Variants in FGF13 observed in about 807,000 individuals in gnomAD.
FGF13 encodes fibroblast growth factor 13.
FGF13 carries 2 observed loss-of-function variants against 19.5 expected under a neutral mutation model. That is an observed-to-expected ratio of 0.10 (90% confidence interval 0.04 to 0.32). The LOEUF (loss-of-function observed/expected upper bound fraction) is 0.32, where lower values mean the gene tolerates loss of function less well. Ranked by LOEUF, FGF13 falls within the 10% of genes least tolerant of loss-of-function variation. The pLI is 1.00. For missense variants in FGF13, 113 were observed against 192.7 expected (o/e 0.59, Z 2.45); for synonymous variants, 72 against 76.9 (o/e 0.94, Z 0.33).
chrX:138,644,799 A>ATCTTTCT (rs2089289054), intron 3 of FGF13, among the ~76,000 whole-genome samples: 2 of 112,141 alleles, frequency 1.8e-5, no homozygotes, highest in South Asian at 7.4e-4. Flanking sequence ...AAAACATAAA[A>ATCTTTCT]GCTGGTGTCA....
intron 1 of FGF13, among the ~76,000 whole-genome samples, chrX:138,919,166 G>A (rs1374450505): frequency 9.0e-6 from 1 of 111,434 alleles, no homozygotes; most frequent in Admixed American, 9.5e-5. Context: ...AATACACCAC[G>A]TACAAACTAA....
At chrX:139,006,954 A>G (rs2092104030) in intron 1 of FGF13, among the ~76,000 whole-genome samples, 1 of 112,032 alleles carries the variant, frequency 8.9e-6, no homozygotes, top group Admixed American at 9.5e-5. Flanking sequence ...CAAAACAACC[A>G]GAAAACAAAT....
intron 1 of FGF13, among the ~76,000 whole-genome samples, chrX:139,060,851 T>G (rs760969255): frequency 1.3e-4 from 14 of 111,109 alleles, no homozygotes; most frequent in Admixed American, 7.7e-4. Flanking sequence ...ATAAAGTGCT[T>G]CTTCTTTTCA....
intron 3 of FGF13, among the ~76,000 whole-genome samples, chrX:138,687,933 T>C (rs1426220039): frequency 1.8e-5 from 2 of 109,290 alleles, no homozygotes; most frequent in African/African-American, 6.7e-5. Context: ...CTCACTCGCA[T>C]ATGGGAACTA....
chrX:138,890,466 A>C (rs1432745799), intron 1 of FGF13, among the ~76,000 whole-genome samples: 1 of 111,407 alleles, frequency 9.0e-6, no homozygotes, highest in Non-Finnish European at 1.9e-5. Context: ...TGGCAACAGC[A>C]ATGATACCAA....
intron 3 of FGF13, among the ~76,000 whole-genome samples, chrX:138,788,323 A>T (rs1431156885): frequency 1.8e-5 from 2 of 112,102 alleles, no homozygotes; most frequent in Non-Finnish European, 3.8e-5. Context: ...TTTTTGGCTT[A>T]ATGCTCTGCC....
chrX:139,197,729 C>T (rs113604241), intron 1 of FGF13, among the ~76,000 whole-genome samples: 1,307 of 111,549 alleles, frequency 0.012, 22 homozygotes, highest in African/African-American at 0.04. Flanking sequence ...CAGTGGCTCA[C>T]GCCTGTAATC....
At chrX:138,929,277 G>C (rs947218637) in intron 1 of FGF13, among the ~76,000 whole-genome samples, 6 of 109,454 alleles carry the variant, frequency 5.5e-5, no homozygotes, top group African/African-American at 1.7e-4. Flanking sequence ...CTCTCTGTGT[G>C]TGTGTGTTTA....
intron 3 of FGF13, among the ~76,000 whole-genome samples, chrX:138,785,887 AC>A (rs1170802309): frequency 1.8e-5 from 2 of 111,688 alleles, no homozygotes; most frequent in African/African-American, 6.5e-5. Context: ...ATTCTTACCC[AC>A]AAATCATCTC....
intron 1 of FGF13, among the ~76,000 whole-genome samples, chrX:138,976,267 T>G (rs1201424888): frequency 9.0e-6 from 1 of 111,533 alleles, no homozygotes; most frequent in African/African-American, 3.3e-5. Flanking sequence ...TTTTAAAAAT[T>G]GTGAATTGCA....
intron 1 of FGF13, among the ~76,000 whole-genome samples, chrX:139,079,163 G>A (rs954786400): frequency 9.0e-5 from 10 of 111,377 alleles, no homozygotes; most frequent in Non-Finnish European, 1.9e-4. Flanking sequence ...AGGCCTCCTG[G>A]ATCTAGATGG....
chrX:139,107,571 G>A (rs1184412192), intron 1 of FGF13, among the ~76,000 whole-genome samples: 1 of 111,144 alleles, frequency 9.0e-6, no homozygotes, highest in African/African-American at 3.3e-5. Flanking sequence ...GAAAGTAACT[G>A]AAGAATGAGA....
chrX:138,633,987 G>A (rs1165198646), intron 4 of FGF13, among the ~76,000 whole-genome samples: 1 of 111,066 alleles, frequency 9.0e-6, no homozygotes, highest in Admixed American at 9.6e-5. Flanking sequence ...TGCTTTGCCC[G>A]CATTTTCTGT....
intron 3 of FGF13, among the ~76,000 whole-genome samples, chrX:138,810,421 T>G (rs1177421354): frequency 9.0e-6 from 1 of 111,452 alleles, no homozygotes; most frequent in Non-Finnish European, 1.9e-5. Context: ...ATCCCTTCCT[T>G]ACACCTTATA....
At chrX:138,840,047 C>T in intron 3 of FGF13, among the ~76,000 whole-genome samples, 1 of 111,696 alleles carries the variant, frequency 9.0e-6, no homozygotes, top group East Asian at 2.8e-4. Flanking sequence ...GCTCTTAATC[C>T]AATGTCAGAT....
At chrX:139,094,178 G>A (rs1368217489) in intron 1 of FGF13, among the ~76,000 whole-genome samples, 1 of 111,455 alleles carries the variant, frequency 9.0e-6, no homozygotes, top group Non-Finnish European at 1.9e-5. Context: ...AATGTGGCAG[G>A]ACCCAGAAAA....
At chrX:138,833,207 G>C (rs879216177) in intron 3 of FGF13, among the ~76,000 whole-genome samples, 2 of 111,909 alleles carry the variant, frequency 1.8e-5, no homozygotes, top group Non-Finnish European at 1.9e-5. Context: ...TAATGTCAAT[G>C]GTAGTTTAAT....
intron 1 of FGF13, among the ~76,000 whole-genome samples, chrX:139,200,470 T>C (rs188961356): frequency 8.9e-6 from 1 of 112,012 alleles, no homozygotes; most frequent in East Asian, 2.8e-4. Context: ...ATGGGGCCAC[T>C]ACTACCCATT....
intron 3 of FGF13, among the ~76,000 whole-genome samples, chrX:138,668,275 G>A (rs1012114448): frequency 3.6e-5 from 4 of 111,262 alleles, no homozygotes; most frequent in Non-Finnish European, 7.6e-5. Flanking sequence ...TAATTCCTTT[G>A]CCCCAAATCA....
Sources: gnomAD v4.1 joint callset for allele counts (sites outside exome capture counted in the v4.1 genomes callset) on GRCh38, gnomAD v4.1.1 for gene constraint, MANE v1.5 for transcripts, NCBI Gene and HGNC (gene_info 2026-07-23, HGNC 2026-07-21) for gene names.